The following SMIM40 variants were observed in gnomAD, a reference collection of about 807,000 sequenced individuals.
SMIM40 encodes small integral membrane protein 40.
At chr6:33,328,525 T>C (rs374213774) in intron 1 of SMIM40, among the ~76,000 whole-genome samples, 45 of 151,948 alleles carry the variant, frequency 3.0e-4, no homozygotes, top group Middle Eastern at 3.4e-3. Flanking sequence ...TTTAGATACC[T>C]ACTTAAAGAT....
chr6:33,326,321 C>T (rs9277979), intron 1 of SMIM40, among the ~76,000 whole-genome samples: 19,054 of 142,790 alleles, frequency 0.13, 1,692 homozygotes, highest in South Asian at 0.26. Context: ...ACACCATGCC[C>T]AGCTAATTTT....
chr6:33,324,085 C>T (rs994376690), intron 1 of SMIM40, 55 bp from the exon 2 acceptor site: 2 of 152,176 alleles, frequency 1.3e-5, no homozygotes, highest in African/African-American at 4.8e-5. Flanking sequence ...ATTCCCATTT[C>T]CACAAGTGGT....
Position 33,324,026 on chromosome 6 carries a change from G to A in SMIM40, c.*44C>T, listed in dbSNP as rs1178436869. 1 of 152,242 alleles carries A rather than the reference G, an allele frequency of 6.6e-6. No homozygotes were observed. The highest frequency in any genetic ancestry group is 6.5e-5 in the Admixed American group (1 of 15,272). The allele number at this position is 152,242 out of a possible 1,614,324, so 9.4% of individuals were successfully genotyped here. On this transcript the variant is annotated 3_prime_UTR_variant, in exon 2 of 3. Coordinates refer to ENST00000494082, the MANE Select transcript of SMIM40 (RefSeq NM_001369203.1). ...CGTGGAGGCAAGGCTGGGTCCAGAG[G>A]TGAGCTTATGAGGAAACCAGAAAGA...
intron 1 of SMIM40, among the ~76,000 whole-genome samples, chr6:33,325,857 TA>T (rs781570958): frequency 0.016 from 2,029 of 127,696 alleles, 145 homozygotes; most frequent in African/African-American, 0.052. Flanking sequence ...GACTCCGTCT[TA>T]AAAAAAAAAA....
intron 1 of SMIM40, among the ~76,000 whole-genome samples, chr6:33,324,545 C>CTTTTTTTTTTTTTTTTTTTCCTTTTT (rs1771014602): frequency 2.8e-4 from 29 of 103,200 alleles, no homozygotes; most frequent in South Asian, 6.7e-4. Context: ...ACCACCTTTT[C>CTTTTTTTTTTTTTTTTTTTCCTTTTT]TTTTTTTTTT....
rs375476107 is a variant in SMIM40, at chr6:33,327,861, C to CAAAAAA, written c.*39+1120_*39+1125dup. Among the ~76,000 whole-genome samples the CAAAAAA allele has an allele frequency of 1.7e-3, 122 of 70,224 alleles. 5 individuals are homozygous for CAAAAAA. The highest frequency in any genetic ancestry group is 7.1e-3 in the South Asian group (11 of 1,546). 46.1% of individuals were successfully genotyped at this position (70,224 alleles called of 152,430 possible). ...GCCTGGGCAACAGGAGACTCTGTCA[C>CAAAAAA]AAAAAAAAAAAAAAAAAAAGAGTTC... On this transcript the variant is annotated intron_variant, in intron 1 of 2. Coordinates refer to ENST00000494082, the MANE Select transcript of SMIM40 (RefSeq NM_001369203.1).
rs1020169170 is a variant in SMIM40 at position 33,323,705 on chromosome 6, G to T, written c.*259C>A. On this transcript the variant is annotated 3_prime_UTR_variant, in exon 3 of 3. Transcript: ENST00000494082. ...CACAGAACTAATGACCAGCCAGACC[G>T]TTGGGACCTGAATGGTTCTTCTCCA... The T allele has an allele frequency of 2.0e-5, 3 of 152,318 alleles. No homozygotes were observed. Among genetic ancestry groups the T allele is most frequent in the African/African-American group, 7.2e-5 (3 of 41,452 alleles). 9.4% of individuals were successfully genotyped at this position (152,318 alleles called of 1,614,324 possible). A position where few individuals can be genotyped will look rare whatever the true frequency, so the allele number is the denominator to read the frequency against.
chr6:33,327,850 AG>A (rs1383295899), intron 1 of SMIM40, among the ~76,000 whole-genome samples: 2 of 120,324 alleles, frequency 1.7e-5, no homozygotes, highest in Non-Finnish European at 3.3e-5. Flanking sequence ...GGGCAACAGG[AG>A]ACTCTGTCAC....
chr6:33,326,571 T>G (rs1366060140), intron 1 of SMIM40, among the ~76,000 whole-genome samples: 2 of 149,356 alleles, frequency 1.3e-5, no homozygotes, highest in African/African-American at 5.2e-5. Flanking sequence ...ATGCCTGTAA[T>G]CCTACCACTT....
At chr6:33,325,390 A>G (rs989359176) in intron 1 of SMIM40, among the ~76,000 whole-genome samples, 2 of 133,990 alleles carry the variant, frequency 1.5e-5, no homozygotes, top group African/African-American at 5.8e-5. Flanking sequence ...AAGGTTTTTT[A>G]TAGCGACAGG....
At position 33,325,254 on chromosome 6, in the gene SMIM40, C is replaced by G. The variant is rs970487174; in HGVS notation, c.*40-1224G>C. Among the ~76,000 whole-genome samples the G allele has an allele frequency of 2.1e-4, 31 of 148,182 alleles. 7 individuals are homozygous for G. Among genetic ancestry groups the G allele is most frequent in the African/African-American group, 8.1e-4 (31 of 38,064 alleles). On this transcript the variant is annotated intron_variant, in intron 1 of 2. Coordinates refer to ENST00000494082, the MANE Select transcript of SMIM40 (RefSeq NM_001369203.1). The stretch of plus-strand genomic sequence containing the variant: ...TGGTGGCACGCGCCTGTAGTCCCAG[C>G]TACTCGGGAGGCTGAGGCAGGAGAA...
In SMIM40 at chr6:33,323,771, C is replaced by CTG. The variant is rs1770951581; in HGVS notation, c.*192_*193insCA. 6.6e-6 allele frequency: 1 copy of CTG among 152,344 alleles called. No homozygotes were observed. The highest frequency in any genetic ancestry group is 6.5e-5 in the Admixed American group (1 of 15,278). 9.4% of individuals were successfully genotyped at this position (152,344 alleles called of 1,614,324 possible). On this transcript the variant is annotated 3_prime_UTR_variant, in exon 3 of 3. Coordinates refer to ENST00000494082, the MANE Select transcript of SMIM40 (RefSeq NM_001369203.1). Reference sequence around the variant, plus strand: ...GGGCCGTCTGTGCTGACCAGGTGGCCGTGCTTTGTCGTGGGAGGCCTAGGG... The same window carrying CTG: ...GGGCCGTCTGTGCTGACCAGGTGGCCTGGTGCTTTGTCGTGGGAGGCCTAGGG...
intron 1 of SMIM40, 138 bp downstream of exon 1, chr6:33,328,849 G>T: frequency 2.8e-6 from 1 of 357,438 alleles, no homozygotes; most frequent in East Asian, 4.1e-5. Context: ...TTGTGCCATT[G>T]CACTCCAGCC....
chr6:33,323,901 T>TCTC (rs1336169436), intron 2 of SMIM40, 37 bp from the exon 3 acceptor site: 1 of 151,824 alleles, frequency 6.6e-6, no homozygotes, highest in Non-Finnish European at 1.5e-5. Flanking sequence ...ATACTTTGGG[T>TCTC]CTCCTCCTCC....
rs541728079 is a variant in SMIM40, at chr6:33,326,654, G to A, written c.*39+2333C>T. ...AGCCTGACCAACATGAGGAAACCTC[G>A]TCTCTACTAGAGATACAAAAAATAG... On this transcript the variant is annotated intron_variant, in intron 1 of 2. Transcript: ENST00000494082. 2.0e-4 allele frequency among the ~76,000 whole-genome samples: 29 copies of A among 146,448 alleles called. 2 individuals carry two copies. The highest frequency in any genetic ancestry group is 7.8e-4 in the African/African-American group (29 of 37,274).
At position 33,328,337 on chromosome 6, in the gene SMIM40, C is replaced by T. The variant is rs115575025; in HGVS notation, c.*39+650G>A. On this transcript the variant is annotated intron_variant, in intron 1 of 2. Transcript: ENST00000494082. ...GTAGCTGAGGCAGAGAATCAGGTGC[C>T]CACCAACTTTCCCGGCTAATTTTTG... is the stretch of plus-strand genomic sequence containing the variant. Among the ~76,000 whole-genome samples the T allele has an allele frequency of 7.1e-3, 1,070 of 150,762 alleles. 9 individuals are homozygous for T. Among genetic ancestry groups the T allele is most frequent in the Middle Eastern group, 0.02 (6 of 294 alleles).
chr6:33,328,755 G>A (rs555519641), intron 1 of SMIM40, among the ~76,000 whole-genome samples: 3 of 151,766 alleles, frequency 2.0e-5, no homozygotes, highest in African/African-American at 4.8e-5. Flanking sequence ...GGGCGGTGGC[G>A]CATGCCTGTA....
chr6:33,327,011 C>A (rs1771233031), intron 1 of SMIM40, among the ~76,000 whole-genome samples: 1 of 148,126 alleles, frequency 6.8e-6, no homozygotes, highest in Non-Finnish European at 1.5e-5. Flanking sequence ...GTAGTCCCAG[C>A]TATTTGGGAG....
At chr6:33,327,015 T>C (rs528152088) in intron 1 of SMIM40, among the ~76,000 whole-genome samples, 1 of 148,458 alleles carries the variant, frequency 6.7e-6, no homozygotes, top group East Asian at 1.9e-4. Context: ...TCCCAGCTAT[T>C]TGGGAGGCTG....
Sources: allele counts gnomAD v4.1 joint callset (sites outside exome capture counted in the v4.1 genomes callset), GRCh38; gene constraint gnomAD v4.1.1; transcripts MANE v1.5; gene names NCBI Gene and HGNC (gene_info 2026-07-23, HGNC 2026-07-21).